The following PRSS3 variants were observed in gnomAD, a reference collection of about 807,000 sequenced individuals.
PRSS3 encodes the protein trypsin-3.
A neutral mutation model predicts 20.8 loss-of-function variants in PRSS3; 14 were observed. The observed-to-expected ratio is 0.67, with a 90% confidence interval of 0.44 to 1.05. The LOEUF (loss-of-function observed/expected upper bound fraction) is 1.05. Among genes scored for constraint, PRSS3 ranks in the 50% least tolerant of loss-of-function variants. PRSS3 has a pLI of 0.00. For synonymous variants in PRSS3, 91 were observed against 117.6 expected (o/e 0.77, Z 1.46); for missense variants, 237 against 306.4 (o/e 0.77, Z 1.69).
In PRSS3 at chr9:33,796,791, C is replaced by G; in HGVS notation, c.189C>G (p.His63Gln). Reference protein sequence around the residue: ...ISEQWVVSAAHCYKTRIQVRL... With the variant: ...ISEQWVVSAAQCYKTRIQVRL... ...AACAGTGGGTGGTATCAGCAGCTCA[C>G]TGCTACAAGACGTAAGTGTGGGGCC... Residue 63 changes from histidine (H) to glutamine (Q), a missense_variant, in exon 2 of 5, where the codon CAC (histidine) becomes CAG (glutamine). By Grantham distance (24) the His-to-Gln change is conservative. Transcript: ENST00000379405. 1 of 1,614,026 alleles carries G rather than the reference C, an allele frequency of 6.2e-7. No homozygotes were observed. The highest frequency in any genetic ancestry group is 8.5e-7 in the Non-Finnish European group (1 of 1,179,870).
At chr9:33,767,640 A>G (rs1823494834) in intron 1 of PRSS3, among the ~76,000 whole-genome samples, 3 of 152,204 alleles carry the variant, frequency 2.0e-5, no homozygotes, top group South Asian at 2.1e-4. Context: ...CCTGGCCAAC[A>G]TGGTGAAACC....
intron 1 of PRSS3, among the ~76,000 whole-genome samples, chr9:33,781,122 G>A (rs1824166373): frequency 6.6e-6 from 1 of 152,226 alleles, no homozygotes; most frequent in Non-Finnish European, 1.5e-5. Context: ...ACTGAGGAAA[G>A]CAGTTTGGAG....
chr9:33,764,496 G>T (rs772772405), intron 1 of PRSS3, among the ~76,000 whole-genome samples: 30 of 152,152 alleles, frequency 2.0e-4, no homozygotes, highest in Non-Finnish European at 3.7e-4. Flanking sequence ...TTGCACCATT[G>T]CACTCCAGCC....
chr9:33,786,233 G>A, intron 1 of PRSS3: 1 of 540,676 alleles, frequency 1.8e-6, no homozygotes, highest in South Asian at 2.2e-5. Flanking sequence ...GCTGTCTCCT[G>A]CTCCTTCTCC....
upstream of PRSS3, among the ~76,000 whole-genome samples, chr9:33,791,374 C>A (rs148897758): frequency 6.6e-6 from 1 of 152,152 alleles, no homozygotes; most frequent in Non-Finnish European, 1.5e-5. Context: ...CTGGCCAAGA[C>A]GATCTTGAGG....
chr9:33,798,870 C>T, intron 4 of PRSS3, 158 bp from the exon 5 acceptor site: 4 of 1,121,518 alleles, frequency 3.6e-6, no homozygotes, highest in South Asian at 1.5e-5. Context: ...CCTTGTGCTG[C>T]ACGCTGCCTG....
intron 4 of PRSS3, 91 bp downstream of exon 4, chr9:33,798,713 G>A: frequency 6.3e-7 from 1 of 1,584,804 alleles, no homozygotes; most frequent in South Asian, 1.1e-5. Context: ...GCAGGGCTGA[G>A]GCGGCTCCCT....
chr9:33,788,422 TTCTC>T (rs1438102892), intron 1 of PRSS3, among the ~76,000 whole-genome samples: 1 of 152,212 alleles, frequency 6.6e-6, no homozygotes, highest in Non-Finnish European at 1.5e-5. Context: ...GCCCAGAGCA[TTCTC>T]TCTGTTATTA....
intron 1 of PRSS3, among the ~76,000 whole-genome samples, chr9:33,767,620 TC>T (rs1003275574): frequency 2.6e-5 from 4 of 152,102 alleles, no homozygotes; most frequent in Non-Finnish European, 5.9e-5. Flanking sequence ...GCTCAGGAGT[TC>T]CAGACCAGCC....
At chr9:33,753,364 A>T (rs2118706623) in intron 1 of PRSS3, among the ~76,000 whole-genome samples, 2 of 152,334 alleles carry the variant, frequency 1.3e-5, no homozygotes. Context: ...AAACGGATTT[A>T]AAAAAATAAA....
chr9:33,797,748 G>C, intron 2 of PRSS3, 81 bp from the exon 3 acceptor site: 17 of 1,510,044 alleles, frequency 1.1e-5, no homozygotes, highest in African/African-American at 1.8e-5. Flanking sequence ...CATGAGCAGT[G>C]AGCTTGAGGA....
chr9:33,785,160 A>ATTTTTTTTTTTTTTTTTTTTTTTTTT lies in PRSS3; in HGVS notation c.-52-9576_-52-9551dup, dbSNP rs74180504. ...GAAAAAGATCATAGCATTGTGGTCA[A>ATTTTTTTTTTTTTTTTTTTTTTTTTT]TTTTTTTTTTTTTTTTTTTTTTTTT... On this transcript the variant is annotated intron_variant, in intron 1 of 5. Coordinates refer to the PRSS3 transcript ENST00000342836. 5.5e-5 allele frequency among the ~76,000 whole-genome samples: 4 copies of ATTTTTTTTTTTTTTTTTTTTTTTTTT among 72,502 alleles called. 1 individual carries two copies. The highest frequency in any genetic ancestry group is 1.5e-4 in the African/African-American group (2 of 13,326). The allele number at this position is 72,502 out of a possible 152,430, so 47.6% of individuals were successfully genotyped here.
At chr9:33,757,474 CT>C (rs35876237) in intron 1 of PRSS3, among the ~76,000 whole-genome samples, 104,087 of 145,332 alleles carry the variant, frequency 0.72, 36,855 homozygotes, top group East Asian at 0.81. Context: ...GCAGATTCAT[CT>C]TTTTTTTTTT....
In PRSS3 at chr9:33,779,880, A is replaced by T. The variant is rs1449192384; in HGVS notation, c.-52-14866A>T. On this transcript the variant is annotated intron_variant, in intron 1 of 5. Coordinates refer to the PRSS3 transcript ENST00000342836. ...CGAGACTCTGTCTAAAAAAAAAAAA[A>T]AAAAAAAAAAAAAAAACCTCTAACA... 3.8e-4 allele frequency among the ~76,000 whole-genome samples: 57 copies of T among 149,852 alleles called. 1 individual carries two copies. In the South Asian group the frequency reaches 0.012, roughly 30 times the overall value.
intron 1 of PRSS3, among the ~76,000 whole-genome samples, chr9:33,773,000 C>T (rs1823772414): frequency 6.6e-6 from 1 of 152,152 alleles, no homozygotes; most frequent in Admixed American, 6.6e-5. Flanking sequence ...AAAATTACTG[C>T]TTTGTTTTTT....
At chr9:33,766,630 C>T (rs760107393) in intron 1 of PRSS3, among the ~76,000 whole-genome samples, 4 of 151,862 alleles carry the variant, frequency 2.6e-5, no homozygotes, top group Non-Finnish European at 5.9e-5. Context: ...ACATGCTATA[C>T]CATGAATGAA....
chr9:33,785,160 ATTTTTTTTTTTTTTTTTTTTT>A (rs74180504), intron 1 of PRSS3, among the ~76,000 whole-genome samples: 16 of 72,504 alleles, frequency 2.2e-4, no homozygotes, highest in Non-Finnish European at 2.8e-4. Context: ...ATTGTGGTCA[ATTTTTTTTTTTTTTTTTTTTT>A]TTTTTTTTTT....
Position 33,798,535 on chromosome 9 carries a change from G to A in PRSS3, c.504G>A (p.Gln168=). Residue 168 remains glutamine (Q), a synonymous_variant, in exon 4 of 5, where the codon CAG becomes CAA. Transcript: ENST00000379405. ...GCCTGGATGCTCCGGTGCTGACCCAGGCTGAGTGTAAAGCCTCCTACCCTG... is the reference window on the plus strand; with the variant it reads ...GCCTGGATGCTCCGGTGCTGACCCAAGCTGAGTGTAAAGCCTCCTACCCTG... ...LKCLDAPVLT[Q]AECKASYPGK... 6.2e-7 allele frequency: 1 copy of A among 1,614,120 alleles called. No homozygotes were observed. The highest frequency in any genetic ancestry group is 8.5e-7 in the Non-Finnish European group (1 of 1,180,014).
intron 2 of PRSS3, 85 bp from the exon 3 acceptor site, chr9:33,797,744 C>T (rs1825063227): frequency 3.1e-6 from 5 of 1,612,384 alleles, no homozygotes; most frequent in Non-Finnish European, 4.2e-6. Flanking sequence ...TATCCATGAG[C>T]AGTGAGCTTG....
Sources: allele counts gnomAD v4.1 joint callset (sites outside exome capture counted in the v4.1 genomes callset), GRCh38; gene constraint gnomAD v4.1.1; transcripts MANE v1.5; gene names NCBI Gene and HGNC (gene_info 2026-07-23, HGNC 2026-07-21).